The following ARSD variants were observed in gnomAD, a reference collection of about 807,000 sequenced individuals.
ARSD encodes the protein arylsulfatase D.
Under a neutral mutation model 32.6 loss-of-function variants are expected in ARSD, and 21 were observed. That is an observed-to-expected ratio of 0.64 (90% CI 0.46 to 0.93). ARSD has a LOEUF of 0.93. Among genes scored for constraint, ARSD ranks in the 40% least tolerant of loss-of-function variants. ARSD has a pLI of 0.00. For missense variants in ARSD, 454 were observed against 520.9 expected (o/e 0.87, Z 1.25); for synonymous variants, 224 against 237.4 (o/e 0.94, Z 0.52).
At chrX:2,916,234 A>G (rs1252564084) in intron 5 of ARSD, among the ~76,000 whole-genome samples, 1 of 110,292 alleles carries the variant, frequency 9.1e-6, no homozygotes, top group Non-Finnish European at 1.9e-5. Flanking sequence ...TCAAGCCTGT[A>G]ATCCCAGCAC....
At chrX:2,912,856 C>G (rs2088913915) in intron 6 of ARSD, among the ~76,000 whole-genome samples, 1 of 112,257 alleles carries the variant, frequency 8.9e-6, no homozygotes, top group South Asian at 3.7e-4. Flanking sequence ...TGCTTTATCC[C>G]TGGAGGCCAC....
chrX:2,909,753 T>TTA lies in ARSD; in HGVS notation c.1298+63_1298+64insTA. 15 of 808,151 alleles carry TTA rather than the reference T, an allele frequency of 1.9e-5. No individual in the cohort carries two copies. In the African/African-American group the frequency reaches 3.5e-4, roughly 19 times the overall value. The allele number at this position is 808,151 out of a possible 1,213,427, so 66.6% of individuals were successfully genotyped here. A position where few individuals can be genotyped will look rare whatever the true frequency, so the allele number is the denominator to read the frequency against. ...CCTGTTCCCCAAAATCCTATTGAAA[T>TTA]AAAAAAAAAAAACTAAAAACAATTA... On this transcript the variant is annotated intron_variant, in intron 8 of 9. Transcript: ENST00000381154.
At chrX:2,909,790 G>A in intron 8 of ARSD, 27 bp downstream of exon 8, 1 of 1,125,876 alleles carries the variant, frequency 8.9e-7, no homozygotes, top group Non-Finnish European at 1.2e-6. Context: ...AAAAAATCAG[G>A]GAACAGGCAG....
At chrX:2,922,842 C>CAAAAAAAAAAAAAAAAAAA (rs60380048) in intron 2 of ARSD, among the ~76,000 whole-genome samples, 14 of 43,717 alleles carry the variant, frequency 3.2e-4, no homozygotes, top group Non-Finnish European at 4.7e-4. Context: ...GACCGTGTCT[C>CAAAAAAAAAAAAAAAAAAA]AAAAAAAAAA....
At chrX:2,910,581 G>C in intron 7 of ARSD, 78 bp downstream of exon 7, 1 of 1,181,618 alleles carries the variant, frequency 8.5e-7, no homozygotes, top group Non-Finnish European at 1.1e-6. Context: ...CTCATTTTCA[G>C]TTCAACTTGT....
In ARSD at chrX:2,908,382, T is replaced by C. The variant is rs142560287; in HGVS notation, c.1420+339A>G. On this transcript the variant is annotated intron_variant, in intron 9 of 9. Transcript: ENST00000381154. ...ATCCATCCATCATGTATCTTAAATA[T>C]CTATCCATCATCTATCCATTATCTA... is the stretch of plus-strand genomic sequence containing the variant. Among the ~76,000 whole-genome samples the C allele has an allele frequency of 4.3e-3, 474 of 110,832 alleles. 4 individuals are homozygous for C. The highest frequency in any genetic ancestry group is 0.015 in the African/African-American group (455 of 30,451).
rs1351135390 is a variant in ARSD, at chrX:2,929,279, C to T, written c.-4G>A. The T allele has an allele frequency of 1.7e-5, 17 of 1,007,953 alleles. No individual in the cohort carries two copies. The highest frequency in any genetic ancestry group is 1.1e-4 in the Admixed American group (2 of 18,355). 83.1% of individuals were successfully genotyped at this position (1,007,953 alleles called of 1,213,427 possible). The stretch of plus-strand genomic sequence containing the variant: ...CCCTCCGCGCGGCGGATCGCATGGC[C>T]GAGCGCTGGCCCAGAGCGCAGGACC... On this transcript the variant is annotated 5_prime_UTR_variant, in exon 1 of 10. Coordinates refer to ENST00000381154, the MANE Select transcript of ARSD (RefSeq NM_001669.4).
At chrX:2,913,112 G>A (rs1409197274) in intron 6 of ARSD, among the ~76,000 whole-genome samples, 1 of 111,879 alleles carries the variant, frequency 8.9e-6, no homozygotes, top group Non-Finnish European at 1.9e-5. Context: ...GACATCCATC[G>A]CTACATGTAA....
intron 9 of ARSD, 150 bp from the exon 10 acceptor site, chrX:2,907,782 T>C: frequency 9.7e-7 from 1 of 1,035,629 alleles, no homozygotes; most frequent in Admixed American, 4.7e-5. Context: ...ATCACAGCCT[T>C]CAGCTTGCAA....
chrX:2,908,223 TCTA>T (rs1292717430), intron 9 of ARSD, among the ~76,000 whole-genome samples: 2 of 108,862 alleles, frequency 1.8e-5, no homozygotes, highest in Non-Finnish European at 3.8e-5. Context: ...ATGAACTGAT[TCTA>T]CTTTTTATCT....
At chrX:2,923,553 G>A (rs1032283301) in intron 2 of ARSD, among the ~76,000 whole-genome samples, 5 of 112,114 alleles carry the variant, frequency 4.5e-5, no homozygotes, top group African/African-American at 1.6e-4. Flanking sequence ...GATCAAGCAT[G>A]GGCAGGGCTG....
chrX:2,922,770 G>A (rs1417871310), intron 2 of ARSD, among the ~76,000 whole-genome samples: 3 of 103,375 alleles, frequency 2.9e-5, no homozygotes, highest in Non-Finnish European at 5.9e-5. Context: ...CCCAGGAGGC[G>A]GAGGTTGCAG....
intron 3 of ARSD, 103 bp from the exon 4 acceptor site, chrX:2,920,826 G>A: frequency 9.9e-7 from 1 of 1,008,996 alleles, no homozygotes; most frequent in African/African-American, 1.9e-5. Context: ...GTGCACCCGA[G>A]CCAGGCTGCT....
intron 8 of ARSD, 78 bp from the exon 9 acceptor site, chrX:2,908,920 C>G: frequency 8.4e-7 from 1 of 1,187,401 alleles, no homozygotes; most frequent in South Asian, 1.8e-5. Flanking sequence ...GAACACATCT[C>G]CCAGAATGCA....
chrX:2,928,677 G>GA (rs1295010053), intron 1 of ARSD, among the ~76,000 whole-genome samples: 1 of 100,080 alleles, frequency 1.0e-5, no homozygotes, highest in African/African-American at 3.8e-5. Flanking sequence ...CGAGCTGGGG[G>GA]GTTGGGGGCG....
In ARSD at chrX:2,907,301, T is replaced by G; in HGVS notation, c.1752A>C (p.Ser584=). The G allele has an allele frequency of 6.6e-6, 8 of 1,211,015 alleles. No homozygotes were observed. Among genetic ancestry groups the G allele is most frequent in the Non-Finnish European group, 8.9e-6 (8 of 895,042 alleles). ...QPCCGHFPFC[S]CHEDGDGTP The stretch of plus-strand genomic sequence containing the variant: ...GGGTGCCATCCCCATCCTCGTGGCA[T>G]GAACAGAACGGGAAATGTCCGCAGC... The change falls in exon 10 of 10, where the codon TCA becomes TCC. Residue 584 remains serine, a synonymous_variant. Transcript: ENST00000381154.
intron 2 of ARSD, among the ~76,000 whole-genome samples, chrX:2,923,938 C>T (rs1417753090): frequency 8.9e-6 from 1 of 112,500 alleles, no homozygotes; most frequent in Non-Finnish European, 1.9e-5. Flanking sequence ...AGTCCCTGAA[C>T]TGTACACTGT....
chrX:2,913,730 G>A, intron 6 of ARSD: 4 of 952,306 alleles, frequency 4.2e-6, no homozygotes, highest in South Asian at 2.3e-5. Context: ...TGTGTAGAAG[G>A]TTGACAATAT....
At chrX:2,927,055 G>C (rs752576797) in intron 1 of ARSD, among the ~76,000 whole-genome samples, 1 of 108,791 alleles carries the variant, frequency 9.2e-6, no homozygotes, top group East Asian at 2.9e-4. Flanking sequence ...TAAGGCCATG[G>C]GGAGGGATCC....
Sources: allele counts gnomAD v4.1 joint callset (sites outside exome capture counted in the v4.1 genomes callset), GRCh38; gene constraint gnomAD v4.1.1; transcripts MANE v1.5; gene names NCBI Gene and HGNC (gene_info 2026-07-23, HGNC 2026-07-21).